Variants in ZFAND3 observed in about 807,000 individuals in gnomAD.
ZFAND3 encodes the protein zinc finger AN1-type containing 3.
In ZFAND3, 10 loss-of-function variants were observed where a neutral mutation model predicts 29.6. The observed-to-expected ratio is 0.34, with a 90% confidence interval of 0.21 to 0.57. ZFAND3 has a LOEUF of 0.57. ZFAND3 is among the 20% of genes least tolerant of loss of function. The probability of loss-of-function intolerance (pLI) is 0.86; values close to 1 mark genes in which losing one functional copy is unlikely to be tolerated. For missense variants in ZFAND3, 230 were observed against 304.5 expected, an observed-to-expected ratio of 0.76 and a Z score of 1.82; for synonymous variants, 128 against 112.6, an observed-to-expected ratio of 1.14 and a Z score of -0.87.
At chr6:38,146,711 T>C (rs1308335165) in intron 5 of ZFAND3, among the ~76,000 whole-genome samples, 1 of 152,202 alleles carries the variant, frequency 6.6e-6, no homozygotes, top group African/African-American at 2.4e-5. Context: ...TTCAGCCACT[T>C]TGCCATGACT....
intron 4 of ZFAND3, among the ~76,000 whole-genome samples, chr6:38,100,997 A>G (rs755626156): frequency 3.9e-5 from 6 of 152,234 alleles, no homozygotes; most frequent in Non-Finnish European, 7.3e-5. Context: ...TTACACAGCT[A>G]CAGTACAATT....
chr6:38,106,098 G>T (rs2031552339), intron 4 of ZFAND3, among the ~76,000 whole-genome samples: 1 of 151,988 alleles, frequency 6.6e-6, no homozygotes. Flanking sequence ...TTTAGTGGAT[G>T]GTTTTTGGTA....
chr6:38,011,325 G>T (rs1229806520), intron 2 of ZFAND3, among the ~76,000 whole-genome samples: 1 of 152,070 alleles, frequency 6.6e-6, no homozygotes, highest in Non-Finnish European at 1.5e-5. Flanking sequence ...GTAGAATTTT[G>T]GGGTTGTATG....
intron 1 of ZFAND3, among the ~76,000 whole-genome samples, chr6:37,915,288 T>C (rs1761226542): frequency 6.6e-6 from 1 of 152,258 alleles, no homozygotes; most frequent in South Asian, 2.1e-4. Flanking sequence ...TCTTCTGTCT[T>C]GATACTAAAA....
rs376358291 is a variant in ZFAND3, at chr6:38,116,766, G to A, written c.529+27G>A. The A allele has an allele frequency of 1.4e-5, 22 of 1,610,056 alleles. No individual in the cohort carries two copies. In the East Asian group the frequency reaches 1.6e-4, roughly 11 times the overall value. On this transcript the variant is annotated intron_variant, in intron 5 of 5. Coordinates refer to ENST00000287218, the MANE Select transcript of ZFAND3 (RefSeq NM_021943.3). ...TAAGCATCTCCCCCAGTGGCGTGAT[G>A]GAGACTATATCCTTAACACCTTGGC...
chr6:38,154,436 T>C lies in ZFAND3; in HGVS notation c.*2047T>C, dbSNP rs1766310162. 5 of 985,796 alleles carry C rather than the reference T, an allele frequency of 5.1e-6. No homozygotes were observed. Among genetic ancestry groups the C allele is most frequent in the Non-Finnish European group, 6.0e-6 (5 of 829,858 alleles). 61.1% of individuals were successfully genotyped at this position (985,796 alleles called of 1,614,324 possible). A position where few individuals can be genotyped will look rare whatever the true frequency, so the allele number is the denominator to read the frequency against. On this transcript the variant is annotated 3_prime_UTR_variant, in exon 6 of 6. Transcript: ENST00000287218. ...TCTGTTCTGTGAAGTTTGTTAAATG[T>C]AAGGAAAGCTTAAATTCTTGTATCT... is the stretch of plus-strand genomic sequence containing the variant.
chr6:37,839,693 T>G (rs549500977), intron 1 of ZFAND3, among the ~76,000 whole-genome samples: 1 of 151,726 alleles, frequency 6.6e-6, no homozygotes, highest in South Asian at 2.1e-4. Context: ...TTTTGTATTT[T>G]TAGTAGAGAC....
At chr6:38,011,375 T>C (rs1763149703) in intron 2 of ZFAND3, among the ~76,000 whole-genome samples, 1 of 152,202 alleles carries the variant, frequency 6.6e-6, no homozygotes, top group Non-Finnish European at 1.5e-5. Context: ...TATAAGAAAC[T>C]GCCAAACTGT....
chr6:38,058,375 A>G (rs1188709160), intron 2 of ZFAND3, among the ~76,000 whole-genome samples: 1 of 152,260 alleles, frequency 6.6e-6, no homozygotes, highest in Non-Finnish European at 1.5e-5. Context: ...ATTACATGAC[A>G]TAAAAAAGAA....
chr6:38,055,251 AGCTTCT>A, intron 2 of ZFAND3, among the ~76,000 whole-genome samples: 1 of 152,186 alleles, frequency 6.6e-6, no homozygotes, highest in East Asian at 1.9e-4. Context: ...ACCAAACTAA[AGCTTCT>A]GGTGGGTGCA....
At chr6:38,130,642 C>G (rs889841620) in intron 5 of ZFAND3, among the ~76,000 whole-genome samples, 3 of 152,120 alleles carry the variant, frequency 2.0e-5, no homozygotes, top group African/African-American at 7.2e-5. Flanking sequence ...TAAACCATCC[C>G]TGCATCCTTG....
At chr6:38,002,518 A>G (rs998002630) in intron 2 of ZFAND3, among the ~76,000 whole-genome samples, 1 of 152,008 alleles carries the variant, frequency 6.6e-6, no homozygotes, top group Non-Finnish European at 1.5e-5. Flanking sequence ...GTCTCTACAA[A>G]AAATCCAAAA....
chr6:38,129,875 T>C (rs1765710406), intron 5 of ZFAND3, among the ~76,000 whole-genome samples: 1 of 152,070 alleles, frequency 6.6e-6, no homozygotes, highest in East Asian at 1.9e-4. Flanking sequence ...GGTACTTTGA[T>C]GAGAATTGCA....
At chr6:38,036,640 T>C (rs1763662939) in intron 2 of ZFAND3, among the ~76,000 whole-genome samples, 1 of 152,102 alleles carries the variant, frequency 6.6e-6, no homozygotes, top group Non-Finnish European at 1.5e-5. Context: ...TACAGACTCA[T>C]CAAGTAGAGA....
At position 37,883,958 on chromosome 6, in the gene ZFAND3, A is replaced by T. The variant is rs1764943440; in HGVS notation, c.72-46001A>T. 1.4e-5 allele frequency among the ~76,000 whole-genome samples: 2 copies of T among 145,526 alleles called. 1 individual carries two copies. The highest frequency in any genetic ancestry group is 4.3e-4 in the South Asian group (2 of 4,696). On this transcript the variant is annotated intron_variant, in intron 1 of 5. Coordinates refer to ENST00000287218, the MANE Select transcript of ZFAND3 (RefSeq NM_021943.3). ...TTTAGCCAGAGTTTCTGAAGGTTAT[A>T]GTCATCCTTGGTGGAGAAAACTTGG...
At chr6:37,941,482 G>T (rs983601020) in intron 2 of ZFAND3, among the ~76,000 whole-genome samples, 4 of 152,164 alleles carry the variant, frequency 2.6e-5, no homozygotes, top group African/African-American at 9.7e-5. Context: ...GTGGTGGGGG[G>T]AGTGTTTTTG....
chr6:38,036,497 C>G (rs550949377), intron 2 of ZFAND3, among the ~76,000 whole-genome samples: 4 of 152,256 alleles, frequency 2.6e-5, no homozygotes, highest in African/African-American at 9.6e-5. Flanking sequence ...AGTGTGACCA[C>G]CTACTGGGGA....
intron 1 of ZFAND3, among the ~76,000 whole-genome samples, chr6:37,860,471 C>T (rs1006672405): frequency 4.6e-5 from 7 of 152,066 alleles, no homozygotes; most frequent in Non-Finnish European, 1.0e-4. Flanking sequence ...TTAGGAAAAG[C>T]AGAATCCTAA....
intron 5 of ZFAND3, among the ~76,000 whole-genome samples, chr6:38,149,362 G>A (rs1433781210): frequency 6.7e-6 from 1 of 150,202 alleles, no homozygotes; most frequent in African/African-American, 2.5e-5. Context: ...CAGTGAGCTA[G>A]GATCGCACCA....
Sources: allele counts gnomAD v4.1 joint callset (sites outside exome capture counted in the v4.1 genomes callset), GRCh38; gene constraint gnomAD v4.1.1; transcripts MANE v1.5; gene names NCBI Gene and HGNC (gene_info 2026-07-23, HGNC 2026-07-21).